The following TECPR2 variants were observed in gnomAD, a reference collection of about 807,000 sequenced individuals.
The protein encoded by TECPR2 is tectonin beta-propeller repeat containing 2.
A neutral mutation model predicts 138.1 loss-of-function variants in TECPR2; 65 were observed. The observed-to-expected ratio is 0.47, with a 90% CI of 0.39 to 0.58. The LOEUF (loss-of-function observed/expected upper bound fraction) is 0.58. TECPR2 is among the 20% of genes least tolerant of loss of function. The pLI, the probability that TECPR2 is intolerant of heterozygous loss-of-function variation, is 0.00. For synonymous variants in TECPR2, 746 were observed against 749.8 expected (o/e 0.99, Z 0.08); for missense variants, 1,553 against 1,824.5 (o/e 0.85, Z 2.71).
intron 16 of TECPR2, among the ~76,000 whole-genome samples, chr14:102,458,420 C>T (rs888895107): frequency 1.3e-5 from 2 of 152,184 alleles, no homozygotes; most frequent in Non-Finnish European, 2.9e-5. Context: ...ATGGTGTTGC[C>T]CTCCACGTTA....
At chr14:102,460,986 C>T (rs993934102) in intron 16 of TECPR2, among the ~76,000 whole-genome samples, 2 of 151,966 alleles carry the variant, frequency 1.3e-5, no homozygotes, top group Non-Finnish European at 2.9e-5. Context: ...TGAGCCACTG[C>T]GCCCAGCCTC....
intron 3 of TECPR2, 126 bp from the exon 4 acceptor site, chr14:102,408,362 G>A: frequency 9.1e-7 from 1 of 1,092,948 alleles, no homozygotes; most frequent in Non-Finnish European, 1.3e-6. Context: ...GTTCTGCTTG[G>A]AAAACGAGAT....
chr14:102,430,583 C>T (rs1189021640), intron 7 of TECPR2, among the ~76,000 whole-genome samples: 2 of 152,194 alleles, frequency 1.3e-5, no homozygotes, highest in African/African-American at 2.4e-5. Flanking sequence ...GAGAGGATGG[C>T]GAATGGATCA....
chr14:102,435,669 C>T (rs532290898), intron 9 of TECPR2, among the ~76,000 whole-genome samples: 34 of 152,282 alleles, frequency 2.2e-4, no homozygotes, highest in Non-Finnish European at 3.5e-4. Context: ...TGCAAGAGCA[C>T]GAGGCCATTT....
chr14:102,372,635 C>G (rs1887535246), intron 1 of TECPR2, among the ~76,000 whole-genome samples: 1 of 152,044 alleles, frequency 6.6e-6, no homozygotes, highest in African/African-American at 2.4e-5. Context: ...GTAATCCCAG[C>G]AAGTCTGGGC....
chr14:102,398,615 A>T (rs935582209), intron 2 of TECPR2, among the ~76,000 whole-genome samples: 4 of 152,154 alleles, frequency 2.6e-5, no homozygotes, highest in Non-Finnish European at 4.4e-5. Context: ...TAATCCCAGC[A>T]CTTTGGGAGG....
intron 1 of TECPR2, among the ~76,000 whole-genome samples, chr14:102,368,148 A>T (rs987547646): frequency 2.0e-5 from 3 of 151,634 alleles, no homozygotes; most frequent in African/African-American, 7.3e-5. Flanking sequence ...AGCTGGGATT[A>T]CAGATGTGCG....
rs201352197 is a variant in TECPR2 at position 102,438,118 on chromosome 14, G to A, written c.2491G>A (p.Gly831Ser). 6.2e-6 allele frequency: 10 copies of A among 1,613,884 alleles called. No individual in the cohort carries two copies. The highest frequency in any genetic ancestry group is 6.8e-6 in the Non-Finnish European group (8 of 1,179,994). Residue 831 changes from glycine to serine, a missense_variant, in exon 10 of 20, where the codon GGC becomes AGC. Coordinates refer to ENST00000359520, the MANE Select transcript of TECPR2 (RefSeq NM_014844.5). ...TATCTGGTGCCTGGACTACAAAGGC[G>A]GCCTGTTCTGCAGCGCGTTGCCGGG... ...KYIWCLDYKGGLFCSALPGAG... is the reference protein window; with the variant it reads ...KYIWCLDYKGSLFCSALPGAG...
chr14:102,363,233 C>T (rs1023515783), intron 1 of TECPR2, 117 bp downstream of exon 1: 1 of 219,148 alleles, frequency 4.6e-6, no homozygotes, highest in Non-Finnish European at 9.0e-6. Flanking sequence ...CCCGCAGGGT[C>T]TCCATGCCCG....
chr14:102,423,794 G>A (rs1466200929), intron 5 of TECPR2, among the ~76,000 whole-genome samples: 2 of 152,150 alleles, frequency 1.3e-5, no homozygotes, highest in African/African-American at 4.8e-5. Flanking sequence ...ATCAAGCTTG[G>A]GGGCAGGAAG....
chr14:102,438,254 C>A, intron 10 of TECPR2, 49 bp downstream of exon 10: 1 of 1,561,264 alleles, frequency 6.4e-7, no homozygotes, highest in South Asian at 1.2e-5. Context: ...GCTCGCCGCT[C>A]CTGCTCCCCG....
At chr14:102,457,040 A>G (rs983217194) in intron 16 of TECPR2, among the ~76,000 whole-genome samples, 13 of 152,026 alleles carry the variant, frequency 8.6e-5, no homozygotes, top group Non-Finnish European at 2.9e-5. Flanking sequence ...GGCTCTCTCC[A>G]GGTATGGTCT....
intron 17 of TECPR2, among the ~76,000 whole-genome samples, chr14:102,474,907 T>C (rs941792251): frequency 9.2e-5 from 14 of 151,990 alleles, no homozygotes; most frequent in African/African-American, 3.1e-4. Context: ...ACCTTGCCAC[T>C]TCCTTCTGCA....
Position 102,381,535 on chromosome 14 carries a change from G to A in TECPR2, c.219+4595G>A, listed in dbSNP as rs564728594. On this transcript the variant is annotated intron_variant, in intron 2 of 19. Coordinates refer to ENST00000359520, the MANE Select transcript of TECPR2 (RefSeq NM_014844.5). ...GCTGCAGTAAGCTAAGATCGTGCCA[G>A]TGCACTCCAGCCTAGGCGACAGAGT... Among the ~76,000 whole-genome samples, 6 of 152,266 alleles carry A rather than the reference G, an allele frequency of 3.9e-5. 1 individual carries two copies. The South Asian group carries it at 1.2e-3, about 32-fold the overall frequency.
intron 2 of TECPR2, 96 bp downstream of exon 2, chr14:102,377,036 G>A: frequency 7.7e-7 from 1 of 1,304,978 alleles, no homozygotes; most frequent in Non-Finnish European, 1.1e-6. Context: ...CTTCTGATTT[G>A]CCAGAATATG....
intron 2 of TECPR2, among the ~76,000 whole-genome samples, chr14:102,394,353 C>CCCAGCACT (rs1888260244): frequency 6.6e-6 from 1 of 152,160 alleles, no homozygotes; most frequent in Non-Finnish European, 1.5e-5. Flanking sequence ...CACCTGTAAT[C>CCCAGCACT]CCAGCACTTT....
At chr14:102,382,523 C>T (rs1445191599) in intron 2 of TECPR2, among the ~76,000 whole-genome samples, 2 of 152,182 alleles carry the variant, frequency 1.3e-5, no homozygotes, top group Non-Finnish European at 2.9e-5. Context: ...AGAAAACCAA[C>T]AGGATGTAGA....
At chr14:102,481,068 A>G (rs1009401533) in intron 17 of TECPR2, among the ~76,000 whole-genome samples, 2 of 148,874 alleles carry the variant, frequency 1.3e-5, no homozygotes, top group Admixed American at 6.7e-5. Flanking sequence ...CGCGTAGTGC[A>G]GTGGCACAAT....
intron 17 of TECPR2, among the ~76,000 whole-genome samples, chr14:102,470,820 G>GTTTAT (rs1225327564): frequency 1.6e-5 from 2 of 123,774 alleles, no homozygotes; most frequent in Admixed American, 1.6e-4. Context: ...TGTTTCTTGT[G>GTTTAT]TTTTTTTTTT....
Sources: gnomAD v4.1 joint callset for allele counts (sites outside exome capture counted in the v4.1 genomes callset) on GRCh38, gnomAD v4.1.1 for gene constraint, MANE v1.5 for transcripts, NCBI Gene and HGNC (gene_info 2026-07-23, HGNC 2026-07-21) for gene names.